KNDC1: variants seen among roughly 807,000 people sequenced by gnomAD.
KNDC1 encodes the protein kinase non-catalytic C-lobe domain containing 1, also known as kinase non-catalytic C-lobe domain-containing protein 1.
Under a neutral mutation model 172.8 loss-of-function variants are expected in KNDC1, and 106 were observed. The observed-to-expected ratio is 0.61, with a 90% CI of 0.52 to 0.72. KNDC1 has a LOEUF of 0.72. KNDC1 is among the 30% of genes least tolerant of loss of function. The pLI, the probability that KNDC1 is intolerant of heterozygous loss-of-function variation, is 0.00. For synonymous variants in KNDC1, 1,083 were observed against 1,062.2 expected, an observed-to-expected ratio of 1.02 and a Z score of -0.38; for missense variants, 2,325 against 2,394.5, an observed-to-expected ratio of 0.97 and a Z score of 0.61.
intron 28 of KNDC1, 109 bp from the exon 29 acceptor site, chr10:133,219,846 G>C (rs1003216835): frequency 7.3e-6 from 8 of 1,101,052 alleles, no homozygotes; most frequent in Non-Finnish European, 8.8e-6. Flanking sequence ...CCCGTGCGTG[G>C]AGAACGCAGG....
intron 17 of KNDC1, 25 bp downstream of exon 17, chr10:133,201,923 C>A (rs9418941): frequency 0.57 from 868,934 of 1,514,882 alleles, 250,559 homozygotes; most frequent in East Asian, 0.64. Flanking sequence ...TTGGCACTGC[C>A]GGGTGGGGCA....
intron 16 of KNDC1, among the ~76,000 whole-genome samples, chr10:133,200,750 G>A (rs1017280282): frequency 2.0e-5 from 3 of 152,210 alleles, no homozygotes; most frequent in Admixed American, 6.5e-5. Flanking sequence ...TGGAGGTGGG[G>A]GGTCCTCTGT....
Position 133,217,284 on chromosome 10 carries a change from CTG to C in KNDC1, c.4678-1546_4678-1545del, listed in dbSNP as rs757561637. On this transcript the variant is annotated intron_variant, in intron 26 of 29. Coordinates refer to ENST00000304613, the MANE Select transcript of KNDC1 (RefSeq NM_152643.8). ...CTACTTAAACCGATGAAGAAACAGA[CTG>C]AGACGTCAGCGTAGAAAGTGTATCC... is the stretch of plus-strand genomic sequence containing the variant. Among the ~76,000 whole-genome samples the C allele has an allele frequency of 5.8e-4, 89 of 152,378 alleles. 2 individuals are homozygous for C. The highest frequency in any genetic ancestry group is 1.9e-3 in the South Asian group (9 of 4,830).
Position 133,210,628 on chromosome 10 carries a change from G to A in KNDC1, c.3812G>A (p.Gly1271Asp). The change falls in exon 21 of 30, where the codon GGT (glycine) becomes GAT (aspartate). Residue 1271 changes from glycine (G) to aspartate (D), a missense_variant. Coordinates refer to ENST00000304613, the MANE Select transcript of KNDC1 (RefSeq NM_152643.8). ...YLYSSDAFLE[G>D]YVQQFLYTFR... ...CCCCACAGTGATGCCTTCCTGGAGG[G>A]TTATGTGCAGCAATTCCTCTACACC... 1 of 1,613,446 alleles carries A rather than the reference G, an allele frequency of 6.2e-7. No individual in the cohort carries two copies. The highest frequency in any genetic ancestry group is 8.5e-7 in the Non-Finnish European group (1 of 1,179,522).
chr10:133,222,444 G>GGTGT (rs1845618064), intron 29 of KNDC1, among the ~76,000 whole-genome samples: 2 of 96,224 alleles, frequency 2.1e-5, no homozygotes, highest in Non-Finnish European at 4.5e-5. Context: ...TGCTCTTCCC[G>GGTGT]GCGTGTGTGT....
intron 10 of KNDC1, among the ~76,000 whole-genome samples, chr10:133,196,839 C>T (rs757507028): frequency 2.6e-5 from 4 of 152,198 alleles, no homozygotes; most frequent in Non-Finnish European, 5.9e-5. Flanking sequence ...TGGGATTCTG[C>T]CCTCCCAGGG....
intron 3 of KNDC1, among the ~76,000 whole-genome samples, chr10:133,178,210 T>C (rs1235476457): frequency 6.6e-6 from 1 of 151,954 alleles, no homozygotes; most frequent in East Asian, 1.9e-4. Context: ...CATGTGTATG[T>C]ATGTGGTGTG....
intron 6 of KNDC1, among the ~76,000 whole-genome samples, chr10:133,187,885 G>A (rs1245150815): frequency 2.5e-5 from 1 of 40,628 alleles, no homozygotes; most frequent in African/African-American, 9.1e-5. Context: ...CCCAACCCCC[G>A]AGCCCGCCCC....
At chr10:133,177,854 TGTC>T (rs1443555422) in intron 3 of KNDC1, among the ~76,000 whole-genome samples, 1 of 151,386 alleles carries the variant, frequency 6.6e-6, no homozygotes, top group East Asian at 2.0e-4. Context: ...TGTAGTGTGT[TGTC>T]ATGGGCACGT....
intron 17 of KNDC1, chr10:133,202,802 C>T (rs1467033076): frequency 1.8e-5 from 7 of 384,744 alleles, no homozygotes; most frequent in Middle Eastern, 3.8e-4. Flanking sequence ...TTCTGGGCCA[C>T]GTGAAAGACC....
chr10:133,222,189 A>G (rs991476400), intron 29 of KNDC1, among the ~76,000 whole-genome samples: 6 of 149,164 alleles, frequency 4.0e-5, no homozygotes, highest in African/African-American at 1.2e-4. Flanking sequence ...AGGCTGAGGC[A>G]GGAGAATGGC....
rs762929863 is a variant in KNDC1, at chr10:133,206,940, A to G, written c.3566A>G (p.Lys1189Arg). 8 of 1,613,998 alleles carry G rather than the reference A, an allele frequency of 5.0e-6. No homozygotes were observed. The South Asian group carries it at 6.6e-5, about 13-fold the overall frequency. The change falls in exon 19 of 30, where the codon AAG (lysine) becomes AGG (arginine). Residue 1189 changes from lysine (K) to arginine (R), a missense_variant. Physicochemically the swap from Lys to Arg is conservative, Grantham distance 26 (BLOSUM62 2). Coordinates refer to ENST00000304613, the MANE Select transcript of KNDC1 (RefSeq NM_152643.8). ...KSRVQFLSLV[K>R]KYLQVMYAER... ...AGGGTGCAATTCCTCAGCTTGGTCAAGAAGTATCTGCAGGCAAGTGGGCTC... is the reference window on the plus strand; with the variant it reads ...AGGGTGCAATTCCTCAGCTTGGTCAGGAAGTATCTGCAGGCAAGTGGGCTC...
At chr10:133,202,245 A>G (rs1379961001) in intron 17 of KNDC1, 1 of 590,538 alleles carries the variant, frequency 1.7e-6, no homozygotes, top group Admixed American at 2.2e-5. Context: ...GGGCAGGCAC[A>G]GCCTCCGGGC....
chr10:133,193,110 A>G (rs566463579), intron 9 of KNDC1, among the ~76,000 whole-genome samples: 346 of 152,264 alleles, frequency 2.3e-3, no homozygotes, highest in African/African-American at 6.8e-3. Context: ...ATGGGGGGGG[A>G]AAACAGTTCA....
chr10:133,186,755 G>A (rs151145298), intron 6 of KNDC1, 81 bp downstream of exon 6: 12 of 975,370 alleles, frequency 1.2e-5, no homozygotes, highest in South Asian at 3.3e-5. Flanking sequence ...AGATGCAAAC[G>A]CTTTGTTTAA....
At chr10:133,204,591 GC>G (rs1217224257) in intron 17 of KNDC1, among the ~76,000 whole-genome samples, 3 of 152,248 alleles carry the variant, frequency 2.0e-5, no homozygotes, top group African/African-American at 7.2e-5. Flanking sequence ...GGAGAAGACA[GC>G]ACAGGGACCC....
At position 133,183,373 on chromosome 10, in the gene KNDC1, G is replaced by A. The variant is rs559262281; in HGVS notation, c.390G>A (p.Leu130=). 6.9e-6 allele frequency: 11 copies of A among 1,596,970 alleles called. No homozygotes were observed. The highest frequency in any genetic ancestry group is 2.7e-5 in the African/African-American group (2 of 74,852). The change falls in exon 4 of 30, where the codon CTG becomes CTA. Residue 130 remains leucine, a synonymous_variant. Transcript: ENST00000304613. Reference sequence around the variant, plus strand: ...ACATCTACTCTCTGGGGGCCACGCTGAAGGCCGCCCTCGAGTACGTGGCAG... The same window carrying A: ...ACATCTACTCTCTGGGGGCCACGCTAAAGGCCGCCCTCGAGTACGTGGCAG... The part of the protein sequence containing the change: ...EAHIYSLGAT[L]KAALEYVAEP...
At chr10:133,197,609 G>T in intron 11 of KNDC1, 66 bp from the exon 12 acceptor site, 5 of 1,248,762 alleles carry the variant, frequency 4.0e-6, no homozygotes, top group South Asian at 3.6e-5. Flanking sequence ...GGGACGCCCT[G>T]TGGGTGTTGC....
chr10:133,181,861 C>CAG (rs33923925), intron 3 of KNDC1, among the ~76,000 whole-genome samples: 41,009 of 151,468 alleles, frequency 0.27, 6,048 homozygotes, highest in Middle Eastern at 0.34. Flanking sequence ...CACACACACA[C>CAG]CAGACTGTGG....
Sources: allele counts gnomAD v4.1 joint callset (sites outside exome capture counted in the v4.1 genomes callset), GRCh38; gene constraint gnomAD v4.1.1; transcripts MANE v1.5; gene names NCBI Gene and HGNC (gene_info 2026-07-23, HGNC 2026-07-21).